PLA2G4A: variants seen among roughly 807,000 people sequenced by gnomAD.
PLA2G4A encodes the protein phospholipase A2 group IVA.
In PLA2G4A, 40 loss-of-function variants were observed where a neutral mutation model predicts 81.9. That is an observed-to-expected ratio of 0.49 (90% CI 0.38 to 0.64). PLA2G4A has a LOEUF of 0.64. Ranked by LOEUF, PLA2G4A falls within the 30% of genes least tolerant of loss-of-function variation. The probability of loss-of-function intolerance (pLI) is 0.00; values close to 1 mark genes in which losing one functional copy is unlikely to be tolerated. For synonymous variants in PLA2G4A, 302 were observed against 296.9 expected (o/e 1.02, Z -0.18); for missense variants, 715 against 905.1 (o/e 0.79, Z 2.69).
At chr1:186,903,141 C>T (rs1038187860) in intron 5 of PLA2G4A, among the ~76,000 whole-genome samples, 3 of 151,394 alleles carry the variant, frequency 2.0e-5, no homozygotes, top group African/African-American at 7.3e-5. Flanking sequence ...CTGCACAGGT[C>T]AAGTAAATAT....
chr1:186,842,057 T>C (rs2102008382), intron 1 of PLA2G4A, among the ~76,000 whole-genome samples: 1 of 151,270 alleles, frequency 6.6e-6, no homozygotes, highest in Non-Finnish European at 1.5e-5. Context: ...TTTTTTTTTT[T>C]TTTGAGATGG....
At chr1:186,831,380 A>G (rs377319175) in intron 1 of PLA2G4A, among the ~76,000 whole-genome samples, 2 of 152,312 alleles carry the variant, frequency 1.3e-5, no homozygotes, top group African/African-American at 4.8e-5. Flanking sequence ...TATAATGGAA[A>G]AAACTGCTTG....
chr1:186,868,590 G>A (rs894894837), intron 2 of PLA2G4A, among the ~76,000 whole-genome samples: 1 of 152,108 alleles, frequency 6.6e-6, no homozygotes, highest in Non-Finnish European at 1.5e-5. Context: ...GTAGATAATC[G>A]ATACAAGAAT....
At position 186,894,044 on chromosome 1, in the gene PLA2G4A, T is replaced by C. The variant is rs1654245342; in HGVS notation, c.265-54T>C. 46 of 794,636 alleles carry C rather than the reference T, an allele frequency of 5.8e-5. No individual in the cohort carries two copies. In the South Asian group the frequency reaches 6.2e-4, roughly 11 times the overall value. 49.2% of individuals were successfully genotyped at this position (794,636 alleles called of 1,614,324 possible). On this transcript the variant is annotated intron_variant, in intron 4 of 17. Transcript: ENST00000367466. ...AATGTGGTGGAAATTATAGATGTCA[T>C]TTCCAAAGATCCATGGGAAATTTTA... is the stretch of plus-strand genomic sequence containing the variant.
intron 3 of PLA2G4A, among the ~76,000 whole-genome samples, chr1:186,884,757 T>C (rs1288303412): frequency 6.6e-6 from 1 of 152,072 alleles, no homozygotes; most frequent in East Asian, 1.9e-4. Context: ...TGTGAGCTTG[T>C]AGTCCCAGCT....
At chr1:186,950,034 GAAGA>G (rs1656500865) in intron 12 of PLA2G4A, among the ~76,000 whole-genome samples, 1 of 151,974 alleles carries the variant, frequency 6.6e-6, no homozygotes, top group Admixed American at 6.6e-5. Flanking sequence ...AAAACATAAA[GAAGA>G]AAGATAACTA....
At chr1:186,866,663 A>C (rs1653042658) in intron 2 of PLA2G4A, among the ~76,000 whole-genome samples, 5 of 152,168 alleles carry the variant, frequency 3.3e-5, no homozygotes, top group Admixed American at 3.3e-4. Flanking sequence ...ATGGATAAAA[A>C]ATATTGCTCA....
intron 15 of PLA2G4A, among the ~76,000 whole-genome samples, chr1:186,970,664 A>C (rs763988369): frequency 1.3e-5 from 2 of 152,028 alleles, no homozygotes; most frequent in African/African-American, 2.4e-5. Flanking sequence ...TGAAGAGACT[A>C]TCCCTTCTCC....
chr1:186,888,241 A>G (rs932974261), intron 3 of PLA2G4A, among the ~76,000 whole-genome samples: 2 of 152,154 alleles, frequency 1.3e-5, no homozygotes, highest in African/African-American at 4.8e-5. Flanking sequence ...TGGTGTGGGT[A>G]TTGTTTTTAT....
chr1:186,931,796 T>C (rs1655756209), intron 7 of PLA2G4A, among the ~76,000 whole-genome samples: 1 of 152,144 alleles, frequency 6.6e-6, no homozygotes, highest in Admixed American at 6.6e-5. Flanking sequence ...ATATTCAGCA[T>C]TTGTAAGACT....
intron 7 of PLA2G4A, among the ~76,000 whole-genome samples, chr1:186,912,068 AAGG>A (rs1369341039): frequency 2.0e-5 from 3 of 152,128 alleles, no homozygotes; most frequent in African/African-American, 7.2e-5. Flanking sequence ...CAGGCCCTCC[AAGG>A]ATGGAATGAT....
At chr1:186,889,583 A>T (rs1347960946) in intron 3 of PLA2G4A, among the ~76,000 whole-genome samples, 2 of 152,252 alleles carry the variant, frequency 1.3e-5, no homozygotes, top group African/African-American at 4.8e-5. Context: ...GAAGCTGATG[A>T]CTACATAAAG....
intron 17 of PLA2G4A, 120 bp downstream of exon 17, chr1:186,979,592 A>C: frequency 1.4e-6 from 1 of 704,162 alleles, no homozygotes; most frequent in Non-Finnish European, 2.5e-6. Flanking sequence ...CACCCAAAAT[A>C]TGCCACTTTA....
At chr1:186,830,957 G>GCTTTCTTTCTTT (rs71104890) in intron 1 of PLA2G4A, among the ~76,000 whole-genome samples, 17 of 82,710 alleles carry the variant, frequency 2.1e-4, no homozygotes, top group Non-Finnish European at 3.2e-4. Context: ...TTGCTTGCTT[G>GCTTTCTTTCTTT]CTTTCTTTCT....
chr1:186,978,473 G>A (rs1657607208), intron 16 of PLA2G4A, among the ~76,000 whole-genome samples: 1 of 152,118 alleles, frequency 6.6e-6, no homozygotes, highest in Admixed American at 6.5e-5. Flanking sequence ...GGAATATGCT[G>A]AGAAAAATGG....
intron 2 of PLA2G4A, among the ~76,000 whole-genome samples, chr1:186,868,622 A>G (rs6425053): frequency 0.84 from 128,423 of 152,174 alleles, 54,328 homozygotes; most frequent in African/African-American, 0.89. Flanking sequence ...CCTCTTAAAC[A>G]TGTGGTAGAA....
At chr1:186,924,239 A>C (rs1655465441) in intron 7 of PLA2G4A, among the ~76,000 whole-genome samples, 1 of 152,184 alleles carries the variant, frequency 6.6e-6, no homozygotes, top group Admixed American at 6.5e-5. Flanking sequence ...CATTTTCTGG[A>C]TTCTGTATTC....
At chr1:186,924,222 CA>C (rs1008342248) in intron 7 of PLA2G4A, among the ~76,000 whole-genome samples, 1 of 152,124 alleles carries the variant, frequency 6.6e-6, no homozygotes, top group African/African-American at 2.4e-5. Flanking sequence ...AAATAAAGAA[CA>C]AAAAACATTT....
intron 17 of PLA2G4A, among the ~76,000 whole-genome samples, chr1:186,983,094 AAAAAAG>A (rs1329733259): frequency 3.3e-5 from 5 of 150,274 alleles, no homozygotes; most frequent in African/African-American, 9.7e-5. Context: ...AAAAAAAAAA[AAAAAAG>A]AAAAGAAAAG....
Sources: allele counts gnomAD v4.1 joint callset (sites outside exome capture counted in the v4.1 genomes callset), GRCh38; gene constraint gnomAD v4.1.1; transcripts MANE v1.5; gene names NCBI Gene and HGNC (gene_info 2026-07-23, HGNC 2026-07-21).